CALD1: variants seen among roughly 807,000 people sequenced by gnomAD.
The protein encoded by CALD1 is caldesmon 1.
A neutral mutation model predicts 99.9 loss-of-function variants in CALD1; 33 were observed. The ratio of observed to expected loss-of-function variants is 0.33; its 90% CI spans 0.25 to 0.44. The LOEUF is 0.44. Ranked by LOEUF, CALD1 falls within the 20% of genes least tolerant of loss-of-function variation. CALD1 has a pLI of 1.00. For synonymous variants in CALD1, 310 were observed against 325.0 expected (o/e 0.95, Z 0.50); for missense variants, 861 against 962.1 (o/e 0.89, Z 1.39).
Position 134,933,944 on chromosome 7 carries a change from T to G in CALD1, c.1175T>G (p.Leu392Arg), listed in dbSNP as rs1563110043. ...KVEEQKRNKQ[L>R]EEKKHAMQET... ...GAAGAGCAGAAACGTAACAAGCAGC[T>G]AGAAGAGAAAAAACATGCCATGCAA... Residue 392 changes from leucine (L) to arginine (R), a missense_variant, in exon 5 of 15, where the codon CTA (leucine) becomes CGA (arginine). Physicochemically the swap from Leu to Arg is moderately radical, Grantham distance 102 (BLOSUM62 -2). Transcript: ENST00000361675. 1.9e-6 allele frequency: 3 copies of G among 1,613,662 alleles called. No homozygotes were observed. Among genetic ancestry groups the G allele is most frequent in the Non-Finnish European group, 8.5e-7 (1 of 1,179,904 alleles).
the CALD1 span, among the ~76,000 whole-genome samples, chr7:134,721,489 T>G: frequency 2.0e-5 from 3 of 152,100 alleles, no homozygotes; most frequent in African/African-American, 7.2e-5. Context: ...GTAGAACAGT[T>G]TCTACTGTTC....
intron 3 of CALD1, among the ~76,000 whole-genome samples, chr7:134,895,137 A>T (rs1563075374): frequency 6.9e-6 from 1 of 145,732 alleles, no homozygotes; most frequent in East Asian, 1.9e-4. Context: ...AAATAAATAA[A>T]TAATTGGCAC....
chr7:134,748,708 T>TACCCCCCCC (rs1562988094), intron 1 of CALD1, among the ~76,000 whole-genome samples: 1 of 132,276 alleles, frequency 7.6e-6, no homozygotes, highest in Non-Finnish European at 1.6e-5. Flanking sequence ...TGAAACTCCA[T>TACCCCCCCC]CCCCCCGCCC....
chr7:134,938,334 G>A lies in CALD1; in HGVS notation c.1386+2569G>A, dbSNP rs528828575. On this transcript the variant is annotated intron_variant, in intron 6 of 14. Transcript: ENST00000361675. Reference sequence around the variant, plus strand: ...TTCTTGCTTGCTTGACTTTCTGAGTGTCTCTCTGGCACAAGGGCCTGTCAT... The same window carrying A: ...TTCTTGCTTGCTTGACTTTCTGAGTATCTCTCTGGCACAAGGGCCTGTCAT... Among the ~76,000 whole-genome samples the A allele has an allele frequency of 3.9e-4, 59 of 152,252 alleles. 1 individual carries two copies. Among genetic ancestry groups the A allele is most frequent in the African/African-American group, 1.4e-3 (58 of 41,550 alleles).
At chr7:134,790,401 C>T (rs1797480222) in intron 1 of CALD1, among the ~76,000 whole-genome samples, 1 of 152,126 alleles carries the variant, frequency 6.6e-6, no homozygotes, top group South Asian at 2.1e-4. Flanking sequence ...CTGGAAAATG[C>T]CAGAGCTGTT....
At chr7:134,903,830 G>A (rs759166768) in intron 3 of CALD1, among the ~76,000 whole-genome samples, 6 of 152,128 alleles carry the variant, frequency 3.9e-5, no homozygotes, top group South Asian at 4.2e-4. Context: ...GAGTTAGGTC[G>A]TCCACATATC....
chr7:134,936,409 C>G (rs1399118266), intron 6 of CALD1, among the ~76,000 whole-genome samples: 1 of 152,202 alleles, frequency 6.6e-6, no homozygotes, highest in East Asian at 1.9e-4. Flanking sequence ...AACACCACAT[C>G]AGAACACTTG....
chr7:134,927,269 G>A (rs181272745), intron 3 of CALD1, among the ~76,000 whole-genome samples: 108 of 152,184 alleles, frequency 7.1e-4, no homozygotes, highest in African/African-American at 2.6e-3. Context: ...ATCTAGCATA[G>A]TGATATTGAT....
chr7:134,942,343 T>A (rs2133070396), intron 7 of CALD1, among the ~76,000 whole-genome samples: 1 of 152,330 alleles, frequency 6.6e-6, no homozygotes, highest in South Asian at 2.1e-4. Context: ...TTCAGTCTCA[T>A]CCAAGAGGCT....
intron 3 of CALD1, among the ~76,000 whole-genome samples, chr7:134,918,835 A>C (rs531569488): frequency 6.8e-4 from 104 of 152,236 alleles, no homozygotes; most frequent in African/African-American, 2.5e-3. Flanking sequence ...GTCTCTGCAA[A>C]AAATACAAAA....
chr7:134,761,657 C>G (rs191153584), intron 1 of CALD1, among the ~76,000 whole-genome samples: 23 of 152,274 alleles, frequency 1.5e-4, no homozygotes, highest in Non-Finnish European at 2.8e-4. Flanking sequence ...AGTTGCTTAA[C>G]TTGTAATCTG....
intron 1 of CALD1, among the ~76,000 whole-genome samples, chr7:134,750,100 T>C (rs896644012): frequency 4.5e-5 from 6 of 133,166 alleles, no homozygotes; most frequent in African/African-American, 1.3e-4. Context: ...AAGGTTGATA[T>C]GGCAAGTGTT....
chr7:134,933,597 A>C lies in CALD1; in HGVS notation c.828A>C (p.Glu276Asp). ...AGAGGGCAAGGTTGGAAGCAGAAGA[A>C]AGAGAAAGAATTAAAGCCGAGCAAG... is the stretch of plus-strand genomic sequence containing the variant. ...EAERARLEAE[E>D]RERIKAEQDK... Residue 276 changes from glutamate (E) to aspartate (D), a missense_variant, in exon 5 of 15, where the codon GAA becomes GAC. Coordinates refer to ENST00000361675, the MANE Select transcript of CALD1 (RefSeq NM_033138.4). The C allele has an allele frequency of 1.9e-6, 3 of 1,613,180 alleles. No homozygotes were observed. The highest frequency in any genetic ancestry group is 2.5e-6 in the Non-Finnish European group (3 of 1,179,598).
In CALD1 at chr7:134,965,342, C is replaced by T. The variant is rs1563139884; in HGVS notation, c.2332C>T (p.Leu778Phe). 1 of 1,597,536 alleles carries T rather than the reference C, an allele frequency of 6.3e-7. No homozygotes were observed. Among genetic ancestry groups the T allele is most frequent in the Non-Finnish European group, 8.6e-7 (1 of 1,164,976 alleles). Residue 778 changes from leucine to phenylalanine, a missense_variant, in exon 14 of 15, where the codon CTC becomes TTC. Physicochemically the swap from Leu to Phe is conservative, Grantham distance 22. Transcript: ENST00000361675. The part of the protein sequence containing the change: ...RPGDVSSKRN[L>F]WEKQSVDKVT... ...AGGAGACGTATCCAGCAAGCGGAAC[C>T]TCTGGGAAAAGCAATCTGTGGATAA...
intron 3 of CALD1, among the ~76,000 whole-genome samples, chr7:134,882,069 G>A (rs1801630896): frequency 6.6e-6 from 1 of 152,214 alleles, no homozygotes; most frequent in Admixed American, 6.5e-5. Flanking sequence ...AGCAACCGTA[G>A]ATCAGAAACT....
intron 1 of CALD1, among the ~76,000 whole-genome samples, chr7:134,782,186 A>T (rs1485084282): frequency 6.6e-6 from 1 of 152,256 alleles, no homozygotes; most frequent in Non-Finnish European, 1.5e-5. Context: ...AGAGATGGGC[A>T]TGAAAAGAGA....
At chr7:134,804,369 G>C (rs941232190) in intron 1 of CALD1, among the ~76,000 whole-genome samples, 5 of 152,192 alleles carry the variant, frequency 3.3e-5, no homozygotes, top group African/African-American at 9.7e-5. Flanking sequence ...TGACAGGAAT[G>C]TCAAACCCTT....
At chr7:134,886,946 A>G (rs1801883515) in intron 3 of CALD1, among the ~76,000 whole-genome samples, 1 of 152,208 alleles carries the variant, frequency 6.6e-6, no homozygotes, top group Non-Finnish European at 1.5e-5. Flanking sequence ...CTTGTAGTAA[A>G]CATTCCAATA....
intron 1 of CALD1, among the ~76,000 whole-genome samples, chr7:134,827,592 C>T (rs1465326115): frequency 6.6e-6 from 1 of 152,198 alleles, no homozygotes; most frequent in Non-Finnish European, 1.5e-5. Context: ...ACTTTAAAAG[C>T]CTTTCTGGAC....
Sources: allele counts gnomAD v4.1 joint callset (sites outside exome capture counted in the v4.1 genomes callset), GRCh38; gene constraint gnomAD v4.1.1; transcripts MANE v1.5; gene names NCBI Gene and HGNC (gene_info 2026-07-23, HGNC 2026-07-21).